The following AFDN variants were observed in gnomAD, a reference collection of about 807,000 sequenced individuals.
The protein encoded by AFDN is afadin.
AFDN carries 68 observed loss-of-function variants against 216.6 expected under a neutral mutation model. That is an observed-to-expected ratio of 0.31 (90% CI 0.26 to 0.38). The LOEUF is 0.38. Ranked by LOEUF, AFDN falls within the 10% of genes least tolerant of loss-of-function variation. AFDN has a pLI of 1.00. For synonymous variants in AFDN, 868 were observed against 853.7 expected (o/e 1.02, Z -0.29); for missense variants, 2,136 against 2,342.0 (o/e 0.91, Z 1.82).
chr6:167,844,872 G>GTTTTTTTTTTTTTTTTTTTTTTTTTTT (rs1289118837), intron 1 of AFDN, among the ~76,000 whole-genome samples: 1 of 137,402 alleles, frequency 7.3e-6, no homozygotes, highest in Non-Finnish European at 1.6e-5. Context: ...TTTTTTTTTG[G>GTTTTTTTTTTTTTTTTTTTTTTTTTTT]TTTTTGAGAC....
intron 7 of AFDN, 119 bp from the exon 8 acceptor site, chr6:167,890,743 G>T: frequency 1.1e-6 from 1 of 882,496 alleles, no homozygotes; most frequent in Non-Finnish European, 1.8e-6. Context: ...TGATTCCTTG[G>T]CAGATGTTCC....
At position 167,880,402 on chromosome 6, in the gene AFDN, T is replaced by G; in HGVS notation, c.782T>G (p.Ile261Ser). 2 of 1,613,558 alleles carry G rather than the reference T, an allele frequency of 1.2e-6. No homozygotes were observed. The highest frequency in any genetic ancestry group is 1.7e-6 in the Non-Finnish European group (2 of 1,179,698). ...TATGCAGATAGTTTAAAACCAAATA[T>G]TCCCTACAAGACAATCCTGCTGTCT... is the stretch of plus-strand genomic sequence containing the variant. ...RIYADSLKPN[I>S]PYKTILLSTT... Residue 261 changes from isoleucine (I) to serine (S), a missense_variant, in exon 6 of 34, where the codon ATT becomes AGT. Ile to Ser is a moderately radical substitution (Grantham distance 142). Transcript: ENST00000683244.
chr6:167,858,578 T>G (rs1481176315), intron 1 of AFDN, among the ~76,000 whole-genome samples: 1 of 152,258 alleles, frequency 6.6e-6, no homozygotes, highest in Non-Finnish European at 1.5e-5. Context: ...GATGTACTTC[T>G]AGTACAGTGG....
chr6:167,954,385 T>C lies in AFDN; in HGVS notation c.4833+2198T>C, dbSNP rs577380281. 7 of 1,276,936 alleles carry C rather than the reference T, an allele frequency of 5.5e-6. No homozygotes were observed. In the South Asian group the frequency reaches 7.1e-5, roughly 13 times the overall value. 79.1% of individuals were successfully genotyped at this position (1,276,936 alleles called of 1,614,324 possible). A position where few individuals can be genotyped will look rare whatever the true frequency, so the allele number is the denominator to read the frequency against. On this transcript the variant is annotated intron_variant, in intron 30 of 33. Coordinates refer to ENST00000683244, the MANE Select transcript of AFDN (RefSeq NM_001386888.1). ...AGTGAGAAAATATGCCGATGGCAGA[T>C]TACAGGTCTAAACCTAACTTTTTTT...
intron 21 of AFDN, among the ~76,000 whole-genome samples, chr6:167,921,350 A>G (rs979912800): frequency 2.0e-5 from 3 of 152,224 alleles, no homozygotes; most frequent in Non-Finnish European, 4.4e-5. Context: ...GCATCACCAC[A>G]TTACTTCATG....
At chr6:167,846,620 G>A (rs959610807) in intron 1 of AFDN, among the ~76,000 whole-genome samples, 4 of 150,196 alleles carry the variant, frequency 2.7e-5, no homozygotes, top group African/African-American at 9.8e-5. Context: ...TTTATGAAAT[G>A]GCTTTTTTTT....
In AFDN at chr6:167,918,863, T is replaced by C; in HGVS notation, c.2838T>C (p.Gly946=). 6.2e-7 allele frequency: 1 copy of C among 1,613,718 alleles called. No homozygotes were observed. Among genetic ancestry groups the C allele is most frequent in the Non-Finnish European group, 8.5e-7 (1 of 1,179,850 alleles). Residue 946 remains glycine (G), a synonymous_variant, in exon 21 of 34, where the codon GGT becomes GGC. Transcript: ENST00000683244. Reference sequence around the variant, plus strand: ...TGCCGTTTCTTTTGCCAGAAGATGGTTATTCTTGTGATGTTGTCAGAAACA... The same window carrying C: ...TGCCGTTTCTTTTGCCAGAAGATGGCTATTCTTGTGATGTTGTCAGAAACA... ...LQLPFLLPED[G]YSCDVVRNIP...
chr6:167,875,274 G>T (rs1042739955), intron 4 of AFDN, 61 bp from the exon 5 acceptor site: 1 of 1,517,380 alleles, frequency 6.6e-7, no homozygotes. Context: ...CGGTTGCAAT[G>T]TGTCTATTTC....
In AFDN at chr6:167,897,553, A is replaced by C. The variant is rs538774039; in HGVS notation, c.1317+581A>C. Among the ~76,000 whole-genome samples the C allele has an allele frequency of 5.3e-4, 81 of 152,260 alleles. No individual in the cohort carries two copies. The South Asian group carries it at 0.015, about 28-fold the overall frequency. ...TTTCTTCTTTCTTAGCACAACACTAAAAATAATAATAGGAATCTTTAATGC... is the reference window on the plus strand; with the variant it reads ...TTTCTTCTTTCTTAGCACAACACTACAAATAATAATAGGAATCTTTAATGC... On this transcript the variant is annotated intron_variant, in intron 10 of 33. Transcript: ENST00000683244.
intron 4 of AFDN, among the ~76,000 whole-genome samples, chr6:167,873,619 C>A (rs775182125): frequency 6.6e-6 from 1 of 152,182 alleles, no homozygotes; most frequent in Non-Finnish European, 1.5e-5. Flanking sequence ...CTGAACCCAT[C>A]GGCAGACAGC....
intron 30 of AFDN, among the ~76,000 whole-genome samples, chr6:167,956,114 C>CA (rs59521151): frequency 0.044 from 1,794 of 41,190 alleles, 280 homozygotes; most frequent in African/African-American, 0.12. Context: ...GACTTTGGCT[C>CA]AAAAAAAAAA....
chr6:167,880,422 C>T lies in AFDN; in HGVS notation c.802C>T (p.Leu268=). The T allele has an allele frequency of 6.2e-7, 1 of 1,613,580 alleles. No individual in the cohort carries two copies. The highest frequency in any genetic ancestry group is 2.2e-5 in the East Asian group (1 of 44,828). ...KPNIPYKTIL[L]STTDPADFAV... ...AAATATTCCCTACAAGACAATCCTG[C>T]TGTCTACTACAGATCCTGCAGACTT... is the stretch of plus-strand genomic sequence containing the variant. Residue 268 remains leucine (L), a synonymous_variant, in exon 6 of 34, where the codon CTG becomes TTG. Coordinates refer to ENST00000683244, the MANE Select transcript of AFDN (RefSeq NM_001386888.1).
intron 11 of AFDN, among the ~76,000 whole-genome samples, chr6:167,901,127 T>C (rs1482010743): frequency 6.6e-6 from 1 of 152,244 alleles, no homozygotes; most frequent in Non-Finnish European, 1.5e-5. Context: ...TTTCTTTCTA[T>C]TGGTTGAGTG....
At chr6:167,872,469 G>T (rs965118633) in intron 4 of AFDN, 92 bp downstream of exon 4, 3 of 1,353,700 alleles carry the variant, frequency 2.2e-6, no homozygotes, top group Non-Finnish European at 3.1e-6. Context: ...GATAAATTAT[G>T]GAAAGGATGA....
rs750454957 is a variant in AFDN at position 167,951,463 on chromosome 6, A to G, written c.4109A>G (p.Asp1370Gly). 3 of 1,613,994 alleles carry G rather than the reference A, an allele frequency of 1.9e-6. No homozygotes were observed. The highest frequency in any genetic ancestry group is 2.5e-6 in the Non-Finnish European group (3 of 1,180,010). ...PVAVSQPIRT[D>G]LPPPPPPPPV... is the part of the protein sequence containing the mutation. ...GCCGTCTCCCAGCCAATCCGAACAG[A>G]CCTGCCTCCGCCACCCCCGCCACCT... Residue 1370 changes from aspartate to glycine, a missense_variant, in exon 30 of 34, where the codon GAC (aspartate) becomes GGC (glycine). Physicochemically the swap from Asp to Gly is moderately conservative, Grantham distance 94 (BLOSUM62 -1). Transcript: ENST00000683244. This position sits in a 1 kb window ranked among gnomAD's most constrained non-coding sequence, Gnocchi z 7.1.
At chr6:167,895,131 T>G (rs992311594) in intron 9 of AFDN, among the ~76,000 whole-genome samples, 1 of 151,866 alleles carries the variant, frequency 6.6e-6, no homozygotes, top group Non-Finnish European at 1.5e-5. Context: ...TTTTTTTTTT[T>G]TGTAAACCTA....
At chr6:167,930,695 G>A (rs544242178) in intron 23 of AFDN, among the ~76,000 whole-genome samples, 2 of 152,290 alleles carry the variant, frequency 1.3e-5, no homozygotes, top group South Asian at 4.1e-4. Context: ...GGAATCTGTT[G>A]CCCTGAGTAG....
intron 6 of AFDN, among the ~76,000 whole-genome samples, 181 bp from the exon 7 acceptor site, chr6:167,889,034 A>G (rs1787231349): frequency 6.6e-6 from 1 of 152,098 alleles, no homozygotes; most frequent in Non-Finnish European, 1.5e-5. Flanking sequence ...TTAGCTTTTT[A>G]TTATAGACTG....
chr6:167,864,309 A>T (rs775879186), intron 1 of AFDN: 4 of 709,616 alleles, frequency 5.6e-6, no homozygotes, highest in Admixed American at 5.2e-5. Context: ...TGATAACATC[A>T]TCTATTTGAC....
Sources: allele counts gnomAD v4.1 joint callset (sites outside exome capture counted in the v4.1 genomes callset), GRCh38; gene constraint gnomAD v4.1.1; non-coding constraint Gnocchi (gnomAD v3.1); transcripts MANE v1.5; gene names NCBI Gene and HGNC (gene_info 2026-07-23, HGNC 2026-07-21).